Variants in IFIH1 observed in about 807,000 individuals in gnomAD.
The protein encoded by IFIH1 is interferon-induced helicase C domain-containing protein 1.
In IFIH1, 125 loss-of-function variants were observed where a neutral mutation model predicts 107.4. The ratio of observed to expected loss-of-function variants is 1.16; its 90% CI spans 1.01 to 1.35. The LOEUF is 1.35. IFIH1 is among the 40% of genes most tolerant of loss of function. The pLI is 0.00. For missense variants in IFIH1, 1,333 were observed against 1,213.7 expected, an observed-to-expected ratio of 1.10 and a Z score of -1.46; for synonymous variants, 458 against 413.2, an observed-to-expected ratio of 1.11 and a Z score of -1.31.
intron 2 of IFIH1, among the ~76,000 whole-genome samples, chr2:162,309,584 G>T (rs1391095775): frequency 4.6e-5 from 7 of 152,112 alleles, no homozygotes; most frequent in Admixed American, 4.6e-4. Flanking sequence ...AAGTGTATTT[G>T]CTGGTATAAT....
At chr2:162,291,924 G>C (rs997286747) in intron 4 of IFIH1, among the ~76,000 whole-genome samples, 3 of 151,756 alleles carry the variant, frequency 2.0e-5, no homozygotes, top group African/African-American at 7.2e-5. Context: ...AGTGGTGTTC[G>C]TTCTGATGTG....
At chr2:162,273,327 A>G (rs1008850087) in intron 12 of IFIH1, among the ~76,000 whole-genome samples, 1 of 152,180 alleles carries the variant, frequency 6.6e-6, no homozygotes, top group Non-Finnish European at 1.5e-5. Context: ...CCAACATTTT[A>G]TCATGAAAAC....
At chr2:162,309,714 T>C (rs907970012) in intron 2 of IFIH1, among the ~76,000 whole-genome samples, 7 of 152,232 alleles carry the variant, frequency 4.6e-5, no homozygotes, top group African/African-American at 1.7e-4. Flanking sequence ...GCCATATGGA[T>C]AGGCTGAGAA....
chr2:162,276,195 C>G (rs1403324840), intron 11 of IFIH1, among the ~76,000 whole-genome samples: 1 of 152,116 alleles, frequency 6.6e-6, no homozygotes, highest in African/African-American at 2.4e-5. Flanking sequence ...TTGCTATTAG[C>G]CTTAGATTTT....
At chr2:162,311,952 G>T (rs1291184201) in intron 1 of IFIH1, among the ~76,000 whole-genome samples, 1 of 152,044 alleles carries the variant, frequency 6.6e-6, no homozygotes, top group Non-Finnish European at 1.5e-5. Context: ...GATTTATTTT[G>T]TCTATGTTAG....
At chr2:162,275,407 C>T (rs570641044) in intron 11 of IFIH1, among the ~76,000 whole-genome samples, 1 of 152,264 alleles carries the variant, frequency 6.6e-6, no homozygotes, top group South Asian at 2.1e-4. Context: ...GGCTGTGAGA[C>T]TGAACTTGAG....
Position 162,310,841 on chromosome 2 carries a change from C to G in IFIH1, c.546G>C (p.Leu182=). 6.2e-7 allele frequency: 1 copy of G among 1,613,472 alleles called. No individual in the cohort carries two copies. Among genetic ancestry groups the G allele is most frequent in the Non-Finnish European group, 8.5e-7 (1 of 1,179,512 alleles). ...VQKENWFSAF[L]NVLRQTGNNE... ...TGTTTCCTGTTTGACGAAGAACATT[C>G]AGAAATGCAGAGAACCAGTTTTCTT... Residue 182 remains leucine, a synonymous_variant, in exon 2 of 16, where the codon CTG becomes CTC. Coordinates refer to ENST00000649979, the MANE Select transcript of IFIH1 (RefSeq NM_022168.4).
At position 162,272,259 on chromosome 2, in the gene IFIH1, A is replaced by G. The variant is rs1307657631; in HGVS notation, c.2583T>C (p.Val861=). 1 of 1,612,502 alleles carries G rather than the reference A, an allele frequency of 6.2e-7. No individual in the cohort carries two copies. The highest frequency in any genetic ancestry group is 1.1e-5 in the South Asian group (1 of 90,942). ...EKMMYKAIHC[V]QNMKPEEYAH... is the part of the protein sequence containing the mutation. ...CATACTCCTCTGGTTTCATATTTTGAACACAATGTATAGCTTTATACATCA... is the reference window on the plus strand; with the variant it reads ...CATACTCCTCTGGTTTCATATTTTGGACACAATGTATAGCTTTATACATCA... Residue 861 remains valine, a synonymous_variant, in exon 13 of 16, where the codon GTT becomes GTC. Transcript: ENST00000649979.
At chr2:162,300,179 C>G (rs1443346442) in intron 3 of IFIH1, among the ~76,000 whole-genome samples, 1 of 152,150 alleles carries the variant, frequency 6.6e-6, no homozygotes, top group African/African-American at 2.4e-5. Flanking sequence ...TTCCTCAGTG[C>G]TTGGTTCTCT....
At chr2:162,277,973 A>G (rs1412587384) in intron 9 of IFIH1, among the ~76,000 whole-genome samples, 1 of 152,180 alleles carries the variant, frequency 6.6e-6, no homozygotes, top group Non-Finnish European at 1.5e-5. Flanking sequence ...AGACAGAGCT[A>G]TTAAAGTTTA....
intron 3 of IFIH1, among the ~76,000 whole-genome samples, chr2:162,296,465 T>C (rs1159917086): frequency 1.3e-5 from 2 of 152,096 alleles, no homozygotes; most frequent in African/African-American, 4.8e-5. Context: ...ACCAAGGCGC[T>C]GAGAGGTTAA....
chr2:162,284,813 G>GAA (rs2105205411), intron 5 of IFIH1, among the ~76,000 whole-genome samples: 1 of 151,714 alleles, frequency 6.6e-6, no homozygotes, highest in East Asian at 1.9e-4. Flanking sequence ...GTGAGGACAA[G>GAA]ATCTACATTT....
chr2:162,274,843 A>G (rs1177251950), intron 11 of IFIH1, among the ~76,000 whole-genome samples: 1 of 152,136 alleles, frequency 6.6e-6, no homozygotes, highest in Non-Finnish European at 1.5e-5. Flanking sequence ...CATTAAACAA[A>G]AATAAAGCTG....
intron 1 of IFIH1, among the ~76,000 whole-genome samples, chr2:162,314,958 T>G (rs1683462212): frequency 6.6e-6 from 1 of 152,164 alleles, no homozygotes; most frequent in Admixed American, 6.5e-5. Context: ...AATGAATAAG[T>G]TTTTGGGTAC....
chr2:162,291,336 G>C (rs995653950), intron 4 of IFIH1, among the ~76,000 whole-genome samples: 2 of 151,622 alleles, frequency 1.3e-5, no homozygotes, highest in African/African-American at 4.8e-5. Context: ...TTTACCTATG[G>C]TATGTAACCA....
chr2:162,274,581 A>G (rs1691114883), intron 11 of IFIH1, among the ~76,000 whole-genome samples: 1 of 152,178 alleles, frequency 6.6e-6, no homozygotes, highest in African/African-American at 2.4e-5. Context: ...ATTCAAAGGG[A>G]CAATATAAAT....
intron 1 of IFIH1, 69 bp from the exon 2 acceptor site, chr2:162,311,002 C>T (rs1683377080): frequency 4.0e-6 from 5 of 1,238,762 alleles, no homozygotes; most frequent in Non-Finnish European, 5.7e-6. Context: ...CAGGAAATAC[C>T]CTTTAGAAAA....
chr2:162,313,978 A>C (rs1307403878), intron 1 of IFIH1, among the ~76,000 whole-genome samples: 4 of 152,156 alleles, frequency 2.6e-5, no homozygotes, highest in African/African-American at 9.7e-5. Context: ...TGTAAATGGA[A>C]GGTGTGTGGA....
rs77216124 is a variant in IFIH1, at chr2:162,291,732, T to G, written c.874+1832A>C. 6.3e-3 allele frequency among the ~76,000 whole-genome samples: 951 copies of G among 151,972 alleles called. 4 individuals carry two copies. Among genetic ancestry groups the G allele is most frequent in the Non-Finnish European group, 0.011 (725 of 67,828 alleles). On this transcript the variant is annotated intron_variant, in intron 4 of 15. Coordinates refer to ENST00000649979, the MANE Select transcript of IFIH1 (RefSeq NM_022168.4). Reference sequence around the variant, plus strand: ...TTGCAAATTCTATAATACTTTTCAGTGCCTCAATATGTGTTTAACAGTTCA... The same window carrying G: ...TTGCAAATTCTATAATACTTTTCAGGGCCTCAATATGTGTTTAACAGTTCA...
Sources: allele counts gnomAD v4.1 joint callset (sites outside exome capture counted in the v4.1 genomes callset), GRCh38; gene constraint gnomAD v4.1.1; transcripts MANE v1.5; gene names NCBI Gene and HGNC (gene_info 2026-07-23, HGNC 2026-07-21).